The following PLEC variants were observed in gnomAD, a reference collection of about 807,000 sequenced individuals.
PLEC encodes hemidesmosomal protein 1.
In PLEC, 216 loss-of-function variants were observed where a neutral mutation model predicts 392.8. That is an observed-to-expected ratio of 0.55 (90% CI 0.49 to 0.62). The LOEUF is 0.62. Ranked by LOEUF, PLEC falls within the 20% of genes least tolerant of loss-of-function variation. The pLI is 0.00. For synonymous variants in PLEC, 3,621 were observed against 2,980.6 expected, an observed-to-expected ratio of 1.21 and a Z score of -7.00; for missense variants, 6,863 against 6,563.4, an observed-to-expected ratio of 1.05 and a Z score of -1.58.
upstream of PLEC, among the ~76,000 whole-genome samples, chr8:143,942,208 G>C (rs1316800393): frequency 5.9e-5 from 9 of 151,984 alleles, no homozygotes; most frequent in East Asian, 1.9e-4. Flanking sequence ...CAAACAAATG[G>C]GGGTAGGGGA....
upstream of PLEC, among the ~76,000 whole-genome samples, chr8:143,952,818 G>T (rs1587373107): frequency 6.6e-6 from 1 of 152,262 alleles, no homozygotes; most frequent in South Asian, 2.1e-4. Flanking sequence ...GCTCCGGGCA[G>T]GAAAGGGCGG....
chr8:143,916,684 G>A lies in PLEC; in HGVS notation c.13137C>T (p.Leu4379=), dbSNP rs1312594865. Residue 4379 remains leucine, a synonymous_variant, in exon 32 of 32, where the codon CTC becomes CTT. Transcript: ENST00000345136. The stretch of plus-strand genomic sequence containing the variant: ...GGAAGCGCTGGCCGGCCTCGTAGTA[G>A]AGCCAGCCCTTCTTCAGGGCCTGGG... ...SAAQALKKGW[L]YYEAGQRFLE... 1 of 1,612,038 alleles carries A rather than the reference G, an allele frequency of 6.2e-7. No individual in the cohort carries two copies. The highest frequency in any genetic ancestry group is 8.5e-7 in the Non-Finnish European group (1 of 1,179,564).
chr8:143,943,718 C>T, upstream of PLEC: 8 of 1,482,498 alleles, frequency 5.4e-6, no homozygotes, highest in South Asian at 3.5e-5. Context: ...AATGAAGGGG[C>T]GGGAGGCAGG....
chr8:143,973,664 C>T (rs1231493210), upstream of PLEC: 10 of 420,280 alleles, frequency 2.4e-5, no homozygotes, highest in African/African-American at 1.7e-4. The surrounding 1 kb of genome is among the most constrained non-coding windows in gnomAD (Gnocchi z 5.6). Context: ...GCGTCTGGGC[C>T]CCTCCCGGCG....
At chr8:143,972,610 C>G (rs1833486977) in intron 1 of PLEC, among the ~76,000 whole-genome samples, 1 of 152,242 alleles carries the variant, frequency 6.6e-6, no homozygotes. Flanking sequence ...TGGGGGCCCC[C>G]ACCGCGACCC....
chr8:143,944,562 G>A, upstream of PLEC: 1 of 786,814 alleles, frequency 1.3e-6, no homozygotes, highest in Non-Finnish European at 1.9e-6. Flanking sequence ...AGCGCCCCTG[G>A]CCTCCAGCCT....
intron 19 of PLEC, among the ~76,000 whole-genome samples, chr8:143,930,942 G>A (rs540859105): frequency 1.3e-5 from 2 of 152,084 alleles, no homozygotes; most frequent in Non-Finnish European, 2.9e-5. Flanking sequence ...CAGCCCTGCC[G>A]ACCTCAGAGG....
intron 1 of PLEC, among the ~76,000 whole-genome samples, chr8:143,967,309 G>A (rs537373952): frequency 2.1e-5 from 3 of 142,572 alleles, no homozygotes; most frequent in Admixed American, 7.4e-5. Context: ...GTTGCAGTGA[G>A]CCGAGATCGC....
rs1554687088 is a variant in PLEC, at chr8:143,921,778, C to T, written c.8043G>A (p.Glu2681=). 6.2e-7 allele frequency: 1 copy of T among 1,611,514 alleles called. No homozygotes were observed. The change falls in exon 32 of 32, where the codon GAG becomes GAA. Residue 2681 remains glutamate, a synonymous_variant. Transcript: ENST00000345136. Reference sequence around the variant, plus strand: ...GGCGCACGTCTTCCCGCCGTGCGAGCTCGTCCACCGTGGTGTGGCCCTGCG... The same window carrying T: ...GGCGCACGTCTTCCCGCCGTGCGAGTTCGTCCACCGTGGTGTGGCCCTGCG... The part of the protein sequence containing the change: ...RLAQGHTTVD[E]LARREDVRHY...
rs782639948 is a variant in PLEC, at chr8:143,933,040, G to A, written c.1490C>T (p.Ala497Val). ...CTGGGCCACCTGGGTTGCAGGGGCCGCCACGCCTGCCTTCAGCCGTAGGTT... is the reference window on the plus strand; with the variant it reads ...CTGGGCCACCTGGGTTGCAGGGGCCACCACGCCTGCCTTCAGCCGTAGGTT... ...EYNLRLKAGV[A>V]APATQVAQVT... The change falls in exon 14 of 32, where the codon GCG becomes GTG. Residue 497 changes from alanine (A) to valine (V), a missense_variant. Ala to Val is a moderately conservative substitution (Grantham distance 64). Transcript: ENST00000345136. 5.0e-6 allele frequency: 8 copies of A among 1,593,948 alleles called. No homozygotes were observed. The highest frequency in any genetic ancestry group is 4.0e-5 in the African/African-American group (3 of 74,438).
rs1009217384 is a variant in PLEC, at chr8:143,930,164, C to T, written c.2592G>A (p.Glu864=). ...VCFLVPPPNQ[E]AQEAVTRLEA... The stretch of plus-strand genomic sequence containing the variant: ...CCCACCTGGTGACGGCCTCCTGGGC[C>T]TCCTGGTTGGGCGGGGGCACCAGGA... The change falls in exon 21 of 32, where the codon GAG becomes GAA. Residue 864 remains glutamate, a synonymous_variant. Coordinates refer to ENST00000345136, the MANE Select transcript of PLEC (RefSeq NM_201384.3). 2.5e-6 allele frequency: 4 copies of T among 1,582,400 alleles called. No individual in the cohort carries two copies. In the African/African-American group the frequency reaches 4.0e-5, roughly 16 times the overall value.
intron 1 of PLEC, among the ~76,000 whole-genome samples, chr8:143,960,774 C>T (rs1172489017): frequency 7.2e-5 from 11 of 152,236 alleles, no homozygotes; most frequent in Admixed American, 7.2e-4. Context: ...TCCCCCCACC[C>T]ACACACACAG....
intron 1 of PLEC, chr8:143,946,210 C>T (rs1465713290): frequency 2.0e-6 from 1 of 502,550 alleles, no homozygotes; most frequent in Non-Finnish European, 3.3e-6. Flanking sequence ...CCTGGGGCAG[C>T]TCCGAGAGGG....
chr8:143,954,772 C>G (rs528841744), upstream of PLEC, among the ~76,000 whole-genome samples: 1 of 152,300 alleles, frequency 6.6e-6, no homozygotes, highest in East Asian at 1.9e-4. This position sits in a 1 kb window ranked among gnomAD's most constrained non-coding sequence, Gnocchi z 4.6. Flanking sequence ...GGCACCCCTT[C>G]AACACTGGCC....
upstream of PLEC, chr8:143,942,549 G>C (rs1453920682): frequency 6.5e-7 from 1 of 1,539,454 alleles, no homozygotes; most frequent in East Asian, 2.4e-5. Context: ...TTCGGCCCAC[G>C]GACAGTGCGG....
chr8:143,943,074 C>G (rs1830802892), upstream of PLEC, among the ~76,000 whole-genome samples: 1 of 152,200 alleles, frequency 6.6e-6, no homozygotes, highest in African/African-American at 2.4e-5. Flanking sequence ...CCCGGCAGCT[C>G]CGGGCGTCCC....
rs928421780 is a variant in PLEC at position 143,931,468 on chromosome 8, G to C, written c.2304+66C>G. The C allele has an allele frequency of 3.8e-5, 58 of 1,538,612 alleles. No individual in the cohort carries two copies. In the African/African-American group the frequency reaches 7.8e-4, roughly 21 times the overall value. ...CTCCAGTTGCCCCCTAGTCTCCAGA[G>C]TACCCGTGCAGCCCAGACTCCAGGC... On this transcript the variant is annotated intron_variant, in intron 19 of 31. Transcript: ENST00000345136.
chr8:143,917,718 G>A lies in PLEC; in HGVS notation c.12103C>T (p.Leu4035=), dbSNP rs782043203. Reference sequence around the variant, plus strand: ...AGCAGGCGGATGCCATGGTCCTTCAGGATCAGGCCCTTCTTCATGGCCTGG... The same window carrying A: ...AGCAGGCGGATGCCATGGTCCTTCAAGATCAGGCCCTTCTTCATGGCCTGG... The part of the protein sequence containing the change: ...LFQAMKKGLI[L]KDHGIRLLEA... Residue 4035 remains leucine, a synonymous_variant, in exon 32 of 32, where the codon CTG becomes TTG. Transcript: ENST00000345136. 1.2e-6 allele frequency: 2 copies of A among 1,613,614 alleles called. No individual in the cohort carries two copies. The highest frequency in any genetic ancestry group is 2.7e-5 in the African/African-American group (2 of 75,066).
upstream of PLEC, among the ~76,000 whole-genome samples, chr8:143,942,762 C>T (rs1554729858): frequency 6.6e-6 from 1 of 152,248 alleles, no homozygotes; most frequent in African/African-American, 2.4e-5. Flanking sequence ...TGGGAGGCTG[C>T]CCTGGGACTG....
Sources: allele counts gnomAD v4.1 joint callset (sites outside exome capture counted in the v4.1 genomes callset), GRCh38; gene constraint gnomAD v4.1.1; non-coding constraint Gnocchi (gnomAD v3.1); transcripts MANE v1.5; gene names NCBI Gene and HGNC (gene_info 2026-07-23, HGNC 2026-07-21).